Variants in STRBP observed in about 807,000 individuals in gnomAD.
STRBP encodes the protein spermatid perinuclear RNA-binding protein.
A neutral mutation model predicts 80.1 loss-of-function variants in STRBP; 13 were observed. The ratio of observed to expected loss-of-function variants is 0.16; its 90% CI spans 0.11 to 0.26. STRBP has a LOEUF of 0.26. Among genes scored for constraint, STRBP ranks in the 10% least tolerant of loss-of-function variants. The pLI, the probability that STRBP is intolerant of heterozygous loss-of-function variation, is 1.00. For missense variants in STRBP, 485 were observed against 815.2 expected, an observed-to-expected ratio of 0.59 and a Z score of 4.93; for synonymous variants, 284 against 291.2, an observed-to-expected ratio of 0.98 and a Z score of 0.25.
At chr9:123,150,427 C>A (rs539385112) in intron 11 of STRBP, among the ~76,000 whole-genome samples, 5 of 152,230 alleles carry the variant, frequency 3.3e-5, no homozygotes, top group Admixed American at 1.3e-4. Context: ...GTGAGCCTGG[C>A]ACGGTGCCAC....
At chr9:123,217,792 T>C (rs1224968134) in intron 2 of STRBP, among the ~76,000 whole-genome samples, 4 of 152,258 alleles carry the variant, frequency 2.6e-5, no homozygotes, top group Non-Finnish European at 5.9e-5. Flanking sequence ...TTGAAGATGC[T>C]GGCATTCAGT....
rs1392567275 is a variant in STRBP at position 123,159,122 on chromosome 9, C to T, written c.809G>A (p.Cys270Tyr). The T allele has an allele frequency of 1.9e-6, 3 of 1,613,534 alleles. No homozygotes were observed. The highest frequency in any genetic ancestry group is 2.5e-6 in the Non-Finnish European group (3 of 1,179,516). The change falls in exon 9 of 19, where the codon TGT becomes TAT. Residue 270 changes from cysteine to tyrosine, a missense_variant. Physicochemically the swap from Cys to Tyr is radical, Grantham distance 194 (BLOSUM62 -2). Around this residue, in one of 3 missense-constraint regions of STRBP, gnomAD observed 377 missense variants for 616.1 expected, o/e 0.61. Transcript: ENST00000348403. ...AGGAAGTAGTATTCCAGATGCCAAA[C>T]ACTCCATTACTCGTCTCAAGGCCTC... ...AGEALRRVMECLASGILLPGG... is the reference protein window; with the variant it reads ...AGEALRRVMEYLASGILLPGG...
chr9:123,156,968 C>A (rs902408450), intron 11 of STRBP, among the ~76,000 whole-genome samples: 2 of 152,078 alleles, frequency 1.3e-5, no homozygotes, highest in Non-Finnish European at 2.9e-5. Flanking sequence ...TAAGTGGATT[C>A]ACATTTGAGT....
At chr9:123,169,829 A>G (rs1447579039) in intron 6 of STRBP, 73 bp downstream of exon 6, 1 of 925,314 alleles carries the variant, frequency 1.1e-6, no homozygotes, top group African/African-American at 1.7e-5. Flanking sequence ...CATTGTTAAC[A>G]TAGCTTTTAT....
intron 14 of STRBP, among the ~76,000 whole-genome samples, chr9:123,138,005 T>C (rs1564225400): frequency 6.6e-6 from 1 of 152,228 alleles, no homozygotes; most frequent in Non-Finnish European, 1.5e-5. Context: ...CCTGAAATCA[T>C]GTCTACAAAA....
At chr9:123,158,855 C>A (rs994483530) in intron 9 of STRBP, among the ~76,000 whole-genome samples, 1 of 152,076 alleles carries the variant, frequency 6.6e-6, no homozygotes. Context: ...AAAGCAAATT[C>A]AAAGCAGACA....
rs1252800752 is a variant in STRBP, at chr9:123,196,287, A to G, written c.-164-11989T>C. 3.3e-5 allele frequency among the ~76,000 whole-genome samples: 5 copies of G among 152,160 alleles called. No individual in the cohort carries two copies. In the East Asian group the frequency reaches 9.6e-4, roughly 29 times the overall value. On this transcript the variant is annotated intron_variant, in intron 2 of 18. Transcript: ENST00000348403. ...ATAAAACTACTAAAAGAAAACATTG[A>G]GAAACTATCCAGGACATTGGACTGG...
chr9:123,114,424 G>A (rs1211375027), intron 3 of STRBP: 1 of 167,106 alleles, frequency 6.0e-6, no homozygotes, highest in Non-Finnish European at 1.5e-5. Flanking sequence ...CCTTGCTTAG[G>A]TTAAAAATGA....
At chr9:123,128,330 C>T in intron 17 of STRBP, 72 bp from the exon 18 acceptor site, 2 of 1,568,552 alleles carry the variant, frequency 1.3e-6, no homozygotes, top group African/African-American at 1.3e-5. Flanking sequence ...TTCACAAGCA[C>T]CACCTGCTCA....
At chr9:123,184,531 T>TAGCA (rs2038618801) in intron 2 of STRBP, among the ~76,000 whole-genome samples, 1 of 152,166 alleles carries the variant, frequency 6.6e-6, no homozygotes, top group Non-Finnish European at 1.5e-5. Context: ...GCTGGCTGAC[T>TAGCA]AGCACTCAAT....
At chr9:123,148,447 C>T (rs894583250) in intron 11 of STRBP, among the ~76,000 whole-genome samples, 1 of 151,990 alleles carries the variant, frequency 6.6e-6, no homozygotes, top group Non-Finnish European at 1.5e-5. Context: ...TTTTAGCAGC[C>T]GCACAGACAG....
At chr9:123,243,373 A>G (rs1588149254) in intron 1 of STRBP, among the ~76,000 whole-genome samples, 2 of 152,154 alleles carry the variant, frequency 1.3e-5, no homozygotes, top group African/African-American at 4.8e-5. Context: ...AACTTTCAGA[A>G]ATAAACACAC....
intron 2 of STRBP, among the ~76,000 whole-genome samples, chr9:123,236,240 G>A (rs998923837): frequency 6.6e-6 from 1 of 152,080 alleles, no homozygotes; most frequent in Non-Finnish European, 1.5e-5. Context: ...TATGAACACT[G>A]TATTTCACAA....
chr9:123,125,091 A>G lies in STRBP; in HGVS notation c.*506T>C. The G allele has an allele frequency of 5.1e-6, 5 of 985,520 alleles. No individual in the cohort carries two copies. In the South Asian group the frequency reaches 2.3e-4, roughly 46 times the overall value. The allele number at this position is 985,520 out of a possible 1,614,324, so 61.0% of individuals were successfully genotyped here. On this transcript the variant is annotated 3_prime_UTR_variant, in exon 19 of 19. Transcript: ENST00000348403. ...TACACACTTCAATATTTACAAAGTT[A>G]AAGTTAAATGAAAAGTCTCTATTGT...
intron 14 of STRBP, among the ~76,000 whole-genome samples, chr9:123,137,415 T>C (rs2036403652): frequency 6.6e-6 from 1 of 152,142 alleles, no homozygotes; most frequent in Non-Finnish European, 1.5e-5. Flanking sequence ...TTGTTTGTTG[T>C]TGTTGTTGTT....
At chr9:123,154,719 A>T (rs979014467) in intron 11 of STRBP, among the ~76,000 whole-genome samples, 1 of 152,220 alleles carries the variant, frequency 6.6e-6, no homozygotes, top group Non-Finnish European at 1.5e-5. Flanking sequence ...TGAATGTAGT[A>T]ACGTGAAGGT....
chr9:123,268,077 G>A (rs1408391863), intron 1 of STRBP, among the ~76,000 whole-genome samples: 4 of 142,350 alleles, frequency 2.8e-5, no homozygotes, highest in Non-Finnish European at 6.1e-5. Context: ...CCTGCCCCGA[G>A]CCCCGAGCCC....
At position 123,158,044 on chromosome 9, in the gene STRBP, T is replaced by C; in HGVS notation, c.1013A>G (p.Gln338Arg). The change falls in exon 11 of 19, where the codon CAG (glutamine) becomes CGG (arginine). Residue 338 changes from glutamine (Q) to arginine (R), a missense_variant. Physicochemically the swap from Gln to Arg is conservative, Grantham distance 43 (BLOSUM62 1). Coordinates refer to ENST00000348403, the MANE Select transcript of STRBP (RefSeq NM_018387.5). The part of the protein sequence containing the change: ...MDPLPSSKPF[Q>R]KYSWSVTDKE... ...ATCAGTAACTGACCAGGAATACTTCTGAAAAGGCTTACTAGATGGAAGGGG... is the reference window on the plus strand; with the variant it reads ...ATCAGTAACTGACCAGGAATACTTCCGAAAAGGCTTACTAGATGGAAGGGG... 6.2e-7 allele frequency: 1 copy of C among 1,610,468 alleles called. No homozygotes were observed. Among genetic ancestry groups the C allele is most frequent in the Non-Finnish European group, 8.5e-7 (1 of 1,178,860 alleles).
At chr9:123,131,606 C>T (rs938467031) in intron 17 of STRBP, among the ~76,000 whole-genome samples, 4 of 152,250 alleles carry the variant, frequency 2.6e-5, no homozygotes, top group African/African-American at 4.8e-5. Flanking sequence ...CAGGGACCCA[C>T]TAAACTAGAC....
Sources: allele counts gnomAD v4.1 joint callset (sites outside exome capture counted in the v4.1 genomes callset), GRCh38; gene constraint gnomAD v4.1.1; regional missense constraint gnomAD v4.1.1; transcripts MANE v1.5; gene names NCBI Gene and HGNC (gene_info 2026-07-23, HGNC 2026-07-21).